The following FHIP1A variants were observed in gnomAD, a reference collection of about 807,000 sequenced individuals.
FHIP1A encodes the protein FHF complex subunit HOOK interacting protein 1A, also known as FHF complex subunit HOOK-interacting protein 1A.
A neutral mutation model predicts 88.6 loss-of-function variants in FHIP1A; 61 were observed. That is an observed-to-expected ratio of 0.69 (90% CI 0.56 to 0.85). The LOEUF (loss-of-function observed/expected upper bound fraction) is 0.85. Among genes scored for constraint, FHIP1A ranks in the 40% least tolerant of loss-of-function variants. The pLI is 0.00. For synonymous variants in FHIP1A, 478 were observed against 496.0 expected (o/e 0.96, Z 0.48); for missense variants, 1,154 against 1,273.5 (o/e 0.91, Z 1.43).
chr4:151,428,840 C>G (rs903342763), intron 1 of FHIP1A, among the ~76,000 whole-genome samples: 2 of 152,142 alleles, frequency 1.3e-5, no homozygotes, highest in Admixed American at 1.3e-4. Context: ...TCCTCCCCCT[C>G]CCACATCATC....
At chr4:151,588,049 A>T (rs1337527054) in intron 6 of FHIP1A, among the ~76,000 whole-genome samples, 2 of 151,946 alleles carry the variant, frequency 1.3e-5, no homozygotes, top group Admixed American at 1.3e-4. Flanking sequence ...TTCTTTTTTT[A>T]AAGAAAGAGA....
chr4:151,656,579 A>AATAACT lies in FHIP1A; in HGVS notation c.2730+169_2730+170insATAACT, dbSNP rs1413880019. Among the ~76,000 whole-genome samples, 1 of 152,116 alleles carries AATAACT rather than the reference A, an allele frequency of 6.6e-6. No individual in the cohort carries two copies. Among genetic ancestry groups the AATAACT allele is most frequent in the Non-Finnish European group, 1.5e-5 (1 of 68,014 alleles). On this transcript the variant is annotated intron_variant, in intron 12 of 13. Coordinates refer to ENST00000435205, the MANE Select transcript of FHIP1A (RefSeq NM_001109977.3). The surrounding 1 kb of genome is among the most constrained non-coding windows in gnomAD (Gnocchi z 4.2). ...GTAGTTTATTCTAGACAAACTGTAG[A>AATAACT]GCTTCATTTAGTTTGATGTTTTGAC...
At chr4:151,414,163 G>A (rs1227963097) in intron 1 of FHIP1A, among the ~76,000 whole-genome samples, 2 of 151,822 alleles carry the variant, frequency 1.3e-5, no homozygotes, top group African/African-American at 4.8e-5. Context: ...TGATTCTCTT[G>A]CCTTAGCCTC....
intron 1 of FHIP1A, among the ~76,000 whole-genome samples, chr4:151,412,570 C>T (rs1732692030): frequency 7.3e-6 from 1 of 137,526 alleles, no homozygotes. Flanking sequence ...TTCTTTCTTT[C>T]TTTCTTTCCT....
intron 3 of FHIP1A, among the ~76,000 whole-genome samples, chr4:151,549,613 T>A (rs1732645425): frequency 6.6e-6 from 1 of 152,140 alleles, no homozygotes; most frequent in African/African-American, 2.4e-5. Flanking sequence ...TTGTTTAGTA[T>A]GTAATCAAAA....
intron 8 of FHIP1A, among the ~76,000 whole-genome samples, chr4:151,631,137 A>G (rs1736142774): frequency 6.6e-6 from 1 of 152,170 alleles, no homozygotes; most frequent in Non-Finnish European, 1.5e-5. Context: ...AAAGAAAACA[A>G]TAAAGATTAG....
chr4:151,517,102 C>G (rs2126687586), intron 3 of FHIP1A, among the ~76,000 whole-genome samples: 1 of 152,254 alleles, frequency 6.6e-6, no homozygotes, highest in African/African-American at 2.4e-5. Flanking sequence ...CACATATGCA[C>G]CATGGAATAC....
chr4:151,563,272 A>G (rs1733243578), intron 3 of FHIP1A, among the ~76,000 whole-genome samples: 2 of 151,988 alleles, frequency 1.3e-5, no homozygotes, highest in South Asian at 4.2e-4. Context: ...CAACCACACC[A>G]CACACCTACA....
At chr4:151,485,875 C>A (rs946501186) in intron 3 of FHIP1A, among the ~76,000 whole-genome samples, 1 of 152,176 alleles carries the variant, frequency 6.6e-6, no homozygotes, top group Admixed American at 6.5e-5. Flanking sequence ...AGGCGTGGGC[C>A]ACTGTGCCTG....
At position 151,664,325 on chromosome 4, in the gene FHIP1A, T is replaced by C. The variant is rs1325598503; in HGVS notation, c.*1571T>C. Reference sequence around the variant, plus strand: ...CCACACCTGCAATGCTGTGGAGCAGTGGAGGCCCTTTTGTGCTTCAGGAAT... The same window carrying C: ...CCACACCTGCAATGCTGTGGAGCAGCGGAGGCCCTTTTGTGCTTCAGGAAT... On this transcript the variant is annotated 3_prime_UTR_variant, in exon 14 of 14. Coordinates refer to ENST00000435205, the MANE Select transcript of FHIP1A (RefSeq NM_001109977.3). Among the ~76,000 whole-genome samples the C allele has an allele frequency of 6.6e-6, 1 of 152,222 alleles. No homozygotes were observed. The highest frequency in any genetic ancestry group is 1.5e-5 in the Non-Finnish European group (1 of 68,038).
intron 3 of FHIP1A, among the ~76,000 whole-genome samples, chr4:151,541,099 T>C (rs1161687513): frequency 5.3e-5 from 8 of 152,190 alleles, no homozygotes; most frequent in African/African-American, 9.7e-5. Context: ...CTCTTCCCAT[T>C]AAGGACTTTT....
intron 1 of FHIP1A, among the ~76,000 whole-genome samples, chr4:151,410,100 G>C (rs2709827): frequency 0.49 from 73,740 of 152,030 alleles, 18,261 homozygotes; most frequent in Non-Finnish European, 0.55. Flanking sequence ...AACTACCTTG[G>C]TGTCTTATTT....
At chr4:151,546,467 A>G (rs1732508245) in intron 3 of FHIP1A, among the ~76,000 whole-genome samples, 1 of 152,206 alleles carries the variant, frequency 6.6e-6, no homozygotes, top group East Asian at 1.9e-4. Flanking sequence ...TCGTCTATCT[A>G]TCTGTCTGTC....
chr4:151,514,552 G>A (rs200851619), intron 3 of FHIP1A, among the ~76,000 whole-genome samples: 16,691 of 151,126 alleles, frequency 0.11, 959 homozygotes, highest in African/African-American at 0.12. Flanking sequence ...TTGATAGACC[G>A]CTAGCAAGAC....
intron 9 of FHIP1A, among the ~76,000 whole-genome samples, chr4:151,642,987 C>A (rs915206192): frequency 6.6e-6 from 1 of 150,586 alleles, no homozygotes; most frequent in Admixed American, 6.6e-5. Context: ...TTTGCAAAAT[C>A]TGGACCTCTG....
rs1031169070 is a variant in FHIP1A, at chr4:151,656,161, G to A, written c.2552-71G>A. ...TGGTTTGGGAGATGTGGCACCGATG[G>A]TTCTGCAATTGTCAGGGAAAGGCAT... On this transcript the variant is annotated intron_variant, in intron 11 of 13. Coordinates refer to ENST00000435205, the MANE Select transcript of FHIP1A (RefSeq NM_001109977.3). The surrounding 1 kb of genome is among the most constrained non-coding windows in gnomAD (Gnocchi z 4.2). The A allele has an allele frequency of 1.6e-6, 2 of 1,278,536 alleles. No individual in the cohort carries two copies. Among genetic ancestry groups the A allele is most frequent in the Non-Finnish European group, 2.2e-6 (2 of 910,642 alleles). The allele number at this position is 1,278,536 out of a possible 1,614,324, so 79.2% of individuals were successfully genotyped here. A position where few individuals can be genotyped will look rare whatever the true frequency, so the allele number is the denominator to read the frequency against.
At chr4:151,471,341 G>GA (rs1007765991) in intron 2 of FHIP1A, among the ~76,000 whole-genome samples, 3 of 108,004 alleles carry the variant, frequency 2.8e-5, no homozygotes, top group African/African-American at 1.1e-4. Flanking sequence ...AAAAAAAAAA[G>GA]AAAAAACCAC....
intron 3 of FHIP1A, among the ~76,000 whole-genome samples, chr4:151,512,826 T>C (rs940584380): frequency 2.0e-5 from 3 of 152,194 alleles, no homozygotes; most frequent in African/African-American, 4.8e-5. Flanking sequence ...CTACCGCTGA[T>C]TGGTGTACCT....
At chr4:151,454,080 A>G (rs1728888820) in intron 1 of FHIP1A, among the ~76,000 whole-genome samples, 1 of 152,212 alleles carries the variant, frequency 6.6e-6, no homozygotes, top group Non-Finnish European at 1.5e-5. Flanking sequence ...AGGAATGTAC[A>G]TAATATACAT....
Sources: allele counts gnomAD v4.1 joint callset (sites outside exome capture counted in the v4.1 genomes callset), GRCh38; gene constraint gnomAD v4.1.1; non-coding constraint Gnocchi (gnomAD v3.1); transcripts MANE v1.5; gene names NCBI Gene and HGNC (gene_info 2026-07-23, HGNC 2026-07-21).